The following ZNF609 variants were observed in gnomAD, a reference collection of about 807,000 sequenced individuals.
The protein encoded by ZNF609 is zinc finger protein 609.
A neutral mutation model predicts 109.5 loss-of-function variants in ZNF609; 11 were observed. The ratio of observed to expected loss-of-function variants is 0.10; its 90% CI spans 0.06 to 0.17. The LOEUF (loss-of-function observed/expected upper bound fraction) is 0.17, where lower values mean the gene tolerates loss of function less well. Ranked by LOEUF, ZNF609 falls within the 10% of genes least tolerant of loss-of-function variation. The pLI is 1.00. For missense variants in ZNF609, 1,559 were observed against 1,772.4 expected (o/e 0.88, Z 2.16); for synonymous variants, 646 against 662.0 (o/e 0.98, Z 0.37).
intron 2 of ZNF609, among the ~76,000 whole-genome samples, chr15:64,606,439 A>T (rs1895602223): frequency 1.3e-5 from 2 of 151,378 alleles, no homozygotes; most frequent in Non-Finnish European, 2.9e-5. Context: ...AGGCGCCTGT[A>T]ATCCCAGCTA....
At chr15:64,625,934 T>TAGAG (rs1345949122) in intron 3 of ZNF609, among the ~76,000 whole-genome samples, 73 of 71,032 alleles carry the variant, frequency 1.0e-3, no homozygotes, top group African/African-American at 3.0e-3. Context: ...TATATATATA[T>TAGAG]ATAGAGAGAG....
chr15:64,547,804 C>A (rs1894392510), intron 2 of ZNF609, among the ~76,000 whole-genome samples: 1 of 152,030 alleles, frequency 6.6e-6, no homozygotes, highest in Non-Finnish European at 1.5e-5. Context: ...GGGGGGAATA[C>A]ATAATAAATA....
At chr15:64,541,822 A>G (rs1395874362) in intron 2 of ZNF609, among the ~76,000 whole-genome samples, 4 of 144,692 alleles carry the variant, frequency 2.8e-5, no homozygotes, top group Non-Finnish European at 6.0e-5. Context: ...CCTGGGCGAC[A>G]GAGCGAGACT....
At chr15:64,468,621 G>T (rs895621278) in intron 1 of ZNF609, among the ~76,000 whole-genome samples, 1 of 151,976 alleles carries the variant, frequency 6.6e-6, no homozygotes, top group East Asian at 1.9e-4. Flanking sequence ...CAGTCTGGTT[G>T]CCCAGGCTGG....
chr15:64,468,165 C>T (rs540945515), intron 1 of ZNF609, among the ~76,000 whole-genome samples: 7 of 152,016 alleles, frequency 4.6e-5, no homozygotes, highest in Admixed American at 3.3e-4. Context: ...TACAGGCAGG[C>T]GCCACCACAC....
chr15:64,543,044 T>G (rs758031183), intron 2 of ZNF609, among the ~76,000 whole-genome samples: 49 of 152,166 alleles, frequency 3.2e-4, no homozygotes, highest in Non-Finnish European at 6.3e-4. Flanking sequence ...CTAATCCATC[T>G]GAGGCTTAAA....
At chr15:64,664,765 C>T (rs1233114079) in intron 3 of ZNF609, among the ~76,000 whole-genome samples, 1 of 152,212 alleles carries the variant, frequency 6.6e-6, no homozygotes, top group Non-Finnish European at 1.5e-5. Context: ...TCCCTTCTCC[C>T]ATTTCCAGCA....
intron 2 of ZNF609, among the ~76,000 whole-genome samples, chr15:64,536,928 A>G (rs1269681723): frequency 1.4e-5 from 2 of 145,050 alleles, no homozygotes; most frequent in African/African-American, 5.1e-5. Flanking sequence ...AAAAAAAAAA[A>G]AAAAAAAAAA....
chr15:64,499,519 CTCA>C lies in ZNF609; in HGVS notation c.105_107del (p.Ile36del). ...TGAATGGGACATTGGAGTAGGGAATCTCATCATTGACCTGGACGCCGATCTGGA... is the reference window on the plus strand; with the variant it reads ...TGAATGGGACATTGGAGTAGGGAATCTCATTGACCTGGACGCCGATCTGGA... On this transcript the variant is annotated inframe_deletion, in exon 2 of 10. Transcript: ENST00000326648. 1 of 1,614,070 alleles carries C rather than the reference CTCA, an allele frequency of 6.2e-7. No homozygotes were observed.
At chr15:64,558,651 T>G (rs889342764) in intron 2 of ZNF609, among the ~76,000 whole-genome samples, 2 of 152,234 alleles carry the variant, frequency 1.3e-5, no homozygotes, top group Non-Finnish European at 2.9e-5. Context: ...CCTAATTGTT[T>G]CATTGCCACA....
intron 2 of ZNF609, among the ~76,000 whole-genome samples, chr15:64,616,902 G>A (rs1895808371): frequency 8.0e-6 from 1 of 125,326 alleles, no homozygotes; most frequent in Admixed American, 1.1e-4. Flanking sequence ...TCCACCTCCC[G>A]GGTTCAGGTG....
chr15:64,485,304 A>C (rs891959673), intron 1 of ZNF609, among the ~76,000 whole-genome samples: 1 of 152,216 alleles, frequency 6.6e-6, no homozygotes, highest in African/African-American at 2.4e-5. Context: ...CTTGATCACC[A>C]GTTCTTAGGA....
intron 2 of ZNF609, among the ~76,000 whole-genome samples, chr15:64,589,213 C>T (rs892219814): frequency 6.6e-6 from 1 of 152,078 alleles, no homozygotes; most frequent in African/African-American, 2.4e-5. Context: ...AGGAGAAGAA[C>T]TCAACTGATT....
Position 64,675,826 on chromosome 15 carries a change from A to C in ZNF609, c.2972A>C (p.His991Pro), listed in dbSNP as rs1321750035. ...TATGGCTACAGCGACCAGAGTTACC[A>C]CACCCACCTTCTGAGCACTAACACG... The part of the protein sequence containing the change: ...PPYGYSDQSY[H>P]THLLSTNTAY... Residue 991 changes from histidine to proline, a missense_variant, in exon 5 of 10, where the codon CAC (histidine) becomes CCC (proline). Coordinates refer to ENST00000326648, the MANE Select transcript of ZNF609 (RefSeq NM_015042.2). 1 of 1,614,070 alleles carries C rather than the reference A, an allele frequency of 6.2e-7. No individual in the cohort carries two copies. The highest frequency in any genetic ancestry group is 1.3e-5 in the African/African-American group (1 of 74,926).
chr15:64,465,902 G>T (rs1566991162), intron 1 of ZNF609, among the ~76,000 whole-genome samples: 3 of 151,630 alleles, frequency 2.0e-5, no homozygotes, highest in African/African-American at 2.4e-5. Flanking sequence ...GATCACCTGA[G>T]GTCAGGAGTT....
intron 2 of ZNF609, among the ~76,000 whole-genome samples, chr15:64,598,742 GTATATATATA>G (rs1169879124): frequency 0.036 from 2,171 of 60,256 alleles, 51 homozygotes; most frequent in African/African-American, 0.072. Context: ...CTTTGTGTGT[GTATATATATA>G]TATATATATA....
intron 1 of ZNF609, among the ~76,000 whole-genome samples, chr15:64,484,906 G>A (rs146987982): frequency 1.4e-3 from 216 of 152,162 alleles, no homozygotes; most frequent in Non-Finnish European, 2.7e-3. Context: ...CCCGGGAGGC[G>A]GAGGTTGCAG....
chr15:64,592,142 C>T (rs1174459157), intron 2 of ZNF609, among the ~76,000 whole-genome samples: 1 of 150,300 alleles, frequency 6.7e-6, no homozygotes, highest in Non-Finnish European at 1.5e-5. Context: ...TCCAGCCTGT[C>T]AGCAGAGGGA....
intron 2 of ZNF609, among the ~76,000 whole-genome samples, chr15:64,522,836 AG>A (rs1893911775): frequency 6.6e-6 from 1 of 152,182 alleles, no homozygotes; most frequent in Admixed American, 6.5e-5. Flanking sequence ...ATTTTAGTTA[AG>A]GAAGTTGCAC....
Sources: allele counts gnomAD v4.1 joint callset (sites outside exome capture counted in the v4.1 genomes callset), GRCh38; gene constraint gnomAD v4.1.1; transcripts MANE v1.5; gene names NCBI Gene and HGNC (gene_info 2026-07-23, HGNC 2026-07-21).